The following BCL7C variants were observed in gnomAD, a reference collection of about 807,000 sequenced individuals.
BCL7C encodes BAF chromatin remodeling complex subunit BCL7C, also known as B-cell CLL/lymphoma 7 protein family member C.
In BCL7C, 8 loss-of-function variants were observed where a neutral mutation model predicts 26.2. The ratio of observed to expected loss-of-function variants is 0.30; its 90% confidence interval spans 0.18 to 0.55. The LOEUF (loss-of-function observed/expected upper bound fraction) is 0.55. BCL7C is among the 20% of genes least tolerant of loss of function. The pLI is 0.93. For missense variants in BCL7C, 262 were observed against 298.5 expected (o/e 0.88, Z 0.90); for synonymous variants, 90 against 116.5 (o/e 0.77, Z 1.47).
chr16:30,888,557 G>A (rs1443436493), intron 5 of BCL7C, among the ~76,000 whole-genome samples: 7 of 151,498 alleles, frequency 4.6e-5, no homozygotes, highest in African/African-American at 1.2e-4. Context: ...GGATGGTCTC[G>A]ATCTCCTGAC....
chr16:30,851,871 G>T, intron 5 of BCL7C: 1 of 236,386 alleles, frequency 4.2e-6, no homozygotes, highest in South Asian at 1.1e-4. Flanking sequence ...ATCACAATCT[G>T]ATCAAGAAAT....
chr16:30,874,360 T>C (rs563043670), intron 5 of BCL7C, among the ~76,000 whole-genome samples: 263 of 152,148 alleles, frequency 1.7e-3, no homozygotes, highest in Non-Finnish European at 3.3e-3. Flanking sequence ...CTCATGCCTG[T>C]AATCCCAGCA....
chr16:30,873,773 C>A (rs1417084976), intron 5 of BCL7C, among the ~76,000 whole-genome samples: 1 of 150,372 alleles, frequency 6.7e-6, no homozygotes, highest in African/African-American at 2.4e-5. Context: ...ATCGCTTGAA[C>A]CTGGGAGGCG....
intron 5 of BCL7C, among the ~76,000 whole-genome samples, chr16:30,869,133 G>A (rs1240928697): frequency 6.6e-6 from 1 of 152,022 alleles, no homozygotes; most frequent in Non-Finnish European, 1.5e-5. Context: ...TGAAGACTGG[G>A]GCCAGAGTCG....
chr16:30,849,861 G>A (rs560093830), intron 5 of BCL7C, among the ~76,000 whole-genome samples: 2 of 149,258 alleles, frequency 1.3e-5, no homozygotes, highest in Admixed American at 1.3e-4. Context: ...GCTAACTTTT[G>A]TATTTTTTAT....
At chr16:30,888,462 G>C (rs1054253845) in intron 5 of BCL7C, among the ~76,000 whole-genome samples, 1 of 151,950 alleles carries the variant, frequency 6.6e-6, no homozygotes, top group African/African-American at 2.4e-5. Flanking sequence ...TTAGCCTCCC[G>C]AGTAGCTGGG....
chr16:30,841,320 G>C (rs2054600504), intron 5 of BCL7C, among the ~76,000 whole-genome samples: 1 of 152,166 alleles, frequency 6.6e-6, no homozygotes, highest in Admixed American at 6.6e-5. Context: ...ATTTGGAGAG[G>C]GTTTTAAAGA....
intron 5 of BCL7C, among the ~76,000 whole-genome samples, chr16:30,881,828 G>GC (rs2055048314): frequency 6.6e-6 from 1 of 151,960 alleles, no homozygotes; most frequent in South Asian, 2.1e-4. Context: ...CCCCTGCCTC[G>GC]CCCCCGCTTA....
At position 30,892,788 on chromosome 16, in the gene BCL7C, A is replaced by G. The variant is rs572805176; in HGVS notation, c.281-41T>C. The G allele has an allele frequency of 2.5e-6, 4 of 1,614,062 alleles. No individual in the cohort carries two copies. The South Asian group carries it at 3.3e-5, about 13-fold the overall frequency. ...CCGAGATGGTTGGCCTGAGATCCCTAGTACACTCCTTCAGTCCCCACAGCC... is the reference window on the plus strand; with the variant it reads ...CCGAGATGGTTGGCCTGAGATCCCTGGTACACTCCTTCAGTCCCCACAGCC... On this transcript the variant is annotated intron_variant, in intron 3 of 5. Transcript: ENST00000215115.
chr16:30,866,396 G>A (rs1210964070), intron 5 of BCL7C, among the ~76,000 whole-genome samples: 1 of 151,940 alleles, frequency 6.6e-6, no homozygotes, highest in African/African-American at 2.4e-5. Flanking sequence ...GGCGAACATG[G>A]TGAAACGCTG....
chr16:30,860,229 C>T (rs1216495992), intron 5 of BCL7C, among the ~76,000 whole-genome samples: 4 of 152,164 alleles, frequency 2.6e-5, no homozygotes, highest in South Asian at 2.1e-4. Flanking sequence ...TTAATCATTG[C>T]GGGGACACCT....
intron 5 of BCL7C, among the ~76,000 whole-genome samples, chr16:30,850,323 T>G (rs1386983477): frequency 2.6e-5 from 4 of 152,210 alleles, no homozygotes; most frequent in Non-Finnish European, 5.9e-5. Context: ...TAGTTACTTT[T>G]GCATGGCATA....
Position 30,893,929 on chromosome 16 carries a change from C to G in BCL7C, c.16G>C (p.Val6Leu). The change falls in exon 1 of 6, where the codon GTA becomes CTA. Residue 6 changes from valine (V) to leucine (L), a missense_variant. Transcript: ENST00000215115. This position sits in a 1 kb window ranked among gnomAD's most constrained non-coding sequence, Gnocchi z 5.2. ...GCCCGGCTCCGGGTCTCGGCCCGTA[C>G]AGTCCGGCCGGCCATGCTGGCGGGG... Reference protein sequence around the residue: MAGRTVRAETRSRAKD... With the variant: MAGRTLRAETRSRAKD... The G allele has an allele frequency of 6.3e-7, 1 of 1,584,318 alleles. No homozygotes were observed. Among genetic ancestry groups the G allele is most frequent in the Non-Finnish European group, 8.5e-7 (1 of 1,170,652 alleles).
Position 30,834,684 on chromosome 16 carries a change from C to T in BCL7C, c.*264G>A, listed in dbSNP as rs1212779933. The T allele has an allele frequency of 2.6e-5, 9 of 352,530 alleles. No homozygotes were observed. Among genetic ancestry groups the T allele is most frequent in the African/African-American group, 4.2e-5 (2 of 47,298 alleles). 21.8% of individuals were successfully genotyped at this position (352,530 alleles called of 1,614,324 possible). A position where few individuals can be genotyped will look rare whatever the true frequency, so the allele number is the denominator to read the frequency against. On this transcript the variant is annotated 3_prime_UTR_variant, in exon 6 of 6. Transcript: ENST00000380317. The surrounding 1 kb of genome is among the most constrained non-coding windows in gnomAD (Gnocchi z 4.3). ...GGGCGAGGCAGCCCAGTGCACCCCT[C>T]CCCTAGGCCTCTAGCAAGGCGGCCT... is the stretch of plus-strand genomic sequence containing the variant.
intron 5 of BCL7C, among the ~76,000 whole-genome samples, chr16:30,848,354 G>A (rs1354788621): frequency 6.6e-6 from 1 of 152,184 alleles, no homozygotes; most frequent in African/African-American, 2.4e-5. Context: ...AAGTAAGGCT[G>A]CAGGAAATGC....
intron 5 of BCL7C, 61 bp from the exon 6 acceptor site, chr16:30,888,051 C>T (rs1250802757): frequency 6.5e-7 from 1 of 1,528,710 alleles, no homozygotes; most frequent in Non-Finnish European, 8.8e-7. Context: ...GCCTCTGAGC[C>T]TCTGCCTTCT....
At chr16:30,862,513 G>A (rs576188486) in intron 5 of BCL7C, among the ~76,000 whole-genome samples, 11 of 151,108 alleles carry the variant, frequency 7.3e-5, no homozygotes, top group South Asian at 2.1e-4. Flanking sequence ...ATATTGTAAC[G>A]ACCTTCTACT....
chr16:30,834,829 C>T lies in BCL7C; in HGVS notation c.*119G>A, dbSNP rs548063220. 25 of 1,069,926 alleles carry T rather than the reference C, an allele frequency of 2.3e-5. No individual in the cohort carries two copies. Among genetic ancestry groups the T allele is most frequent in the Admixed American group, 6.1e-5 (2 of 32,812 alleles). The allele number at this position is 1,069,926 out of a possible 1,614,324, so 66.3% of individuals were successfully genotyped here. ...GGCAGGTGTGGGGCCGCTCGCCCTC[C>T]GATGTTACCGCGGTGGGTGAGCTGG... is the stretch of plus-strand genomic sequence containing the variant. On this transcript the variant is annotated 3_prime_UTR_variant, in exon 6 of 6. Coordinates refer to the BCL7C transcript ENST00000380317. The surrounding 1 kb of genome is among the most constrained non-coding windows in gnomAD (Gnocchi z 4.3).
Position 30,852,528 on chromosome 16 carries a change from G to A in BCL7C, c.529-17380C>T, listed in dbSNP as rs1242440760. Among the ~76,000 whole-genome samples, 12 of 128,352 alleles carry A rather than the reference G, an allele frequency of 9.3e-5. 1 individual carries two copies. The Admixed American group carries it at 9.6e-4, about 10-fold the overall frequency. 84.2% of individuals were successfully genotyped at this position (128,352 alleles called of 152,430 possible). A position where few individuals can be genotyped will look rare whatever the true frequency, so the allele number is the denominator to read the frequency against. ...TTTTTTTGAGATGGAGTCCTGCTTTGGCGCCCAGGTTGGAGTGCAGTATTG... is the reference window on the plus strand; with the variant it reads ...TTTTTTTGAGATGGAGTCCTGCTTTAGCGCCCAGGTTGGAGTGCAGTATTG... On this transcript the variant is annotated intron_variant, in intron 5 of 5. Coordinates refer to the BCL7C transcript ENST00000380317.
Sources: allele counts gnomAD v4.1 joint callset (sites outside exome capture counted in the v4.1 genomes callset), GRCh38; gene constraint gnomAD v4.1.1; non-coding constraint Gnocchi (gnomAD v3.1); transcripts MANE v1.5; gene names NCBI Gene and HGNC (gene_info 2026-07-23, HGNC 2026-07-21).